CACNA1S: variants seen among roughly 807,000 people sequenced by gnomAD.
CACNA1S encodes calcium voltage-gated channel subunit alpha1 S.
In CACNA1S, 126 loss-of-function variants were observed where a neutral mutation model predicts 207.4. That is an observed-to-expected ratio of 0.61 (90% CI 0.53 to 0.70). CACNA1S has a LOEUF of 0.70. Ranked by LOEUF, CACNA1S falls within the 30% of genes least tolerant of loss-of-function variation. CACNA1S has a pLI of 0.00. For synonymous variants in CACNA1S, 960 were observed against 932.7 expected, an observed-to-expected ratio of 1.03 and a Z score of -0.53; for missense variants, 2,349 against 2,422.8, an observed-to-expected ratio of 0.97 and a Z score of 0.64.
At chr1:201,075,759 C>T (rs1572048398) in intron 12 of CACNA1S, 144 bp from the exon 13 acceptor site, 1 of 860,070 alleles carries the variant, frequency 1.2e-6, no homozygotes, top group South Asian at 1.6e-5. Flanking sequence ...GGTGGCCAGC[C>T]CCTGCTATCC....
chr1:201,055,160 A>T (rs976439695), intron 28 of CACNA1S, among the ~76,000 whole-genome samples: 2 of 151,786 alleles, frequency 1.3e-5, no homozygotes, highest in African/African-American at 4.8e-5. Context: ...CTTCCTGTTT[A>T]CTCCCTTGGG....
At chr1:201,047,030 C>T (rs1660493012) in intron 38 of CACNA1S, 85 bp downstream of exon 38, 4 of 1,552,516 alleles carry the variant, frequency 2.6e-6, no homozygotes, top group Non-Finnish European at 3.6e-6. Flanking sequence ...CATCATTGGC[C>T]CCTCAAGGAC....
chr1:201,094,100 G>T (rs1572064365), intron 2 of CACNA1S, 79 bp from the exon 3 acceptor site: 1 of 1,587,072 alleles, frequency 6.3e-7, no homozygotes, highest in Non-Finnish European at 8.6e-7. Context: ...AGCCGTGCTG[G>T]GTTCCCTGCT....
At position 201,040,617 on chromosome 1, in the gene CACNA1S, G is replaced by A; in HGVS notation, c.5226+5C>T. The A allele has an allele frequency of 1.2e-6, 2 of 1,612,430 alleles. No homozygotes were observed. Among genetic ancestry groups the A allele is most frequent in the South Asian group, 2.2e-5 (2 of 91,020 alleles). On this transcript the variant is annotated splice_donor_5th_base_variant and intron_variant, in intron 42 of 43. Transcript: ENST00000362061. ...AGTTTGCTCCCAGGCCTCTGCCACTGTTACCTGGCAGGGGGCAGGAGGTGC... is the reference window on the plus strand; with the variant it reads ...AGTTTGCTCCCAGGCCTCTGCCACTATTACCTGGCAGGGGGCAGGAGGTGC...
rs114191689 is a variant in CACNA1S at position 201,066,634 on chromosome 1, C to A, written c.2657+253G>T. ...GCAGGGGCTGTGCTCCCCACAGGGT[C>A]GGGGAGGGAGGGACCACTTCCTCCT... On this transcript the variant is annotated intron_variant, in intron 20 of 43. Coordinates refer to ENST00000362061, the MANE Select transcript of CACNA1S (RefSeq NM_000069.3). This position sits in a 1 kb window ranked among gnomAD's most constrained non-coding sequence, Gnocchi z 4.3. 6.6e-6 allele frequency among the ~76,000 whole-genome samples: 1 copy of A among 152,160 alleles called. No individual in the cohort carries two copies. Among genetic ancestry groups the A allele is most frequent in the Non-Finnish European group, 1.5e-5 (1 of 67,996 alleles).
intron 19 of CACNA1S, among the ~76,000 whole-genome samples, chr1:201,067,891 C>T (rs1428875708): frequency 6.6e-6 from 1 of 152,198 alleles, no homozygotes; most frequent in Non-Finnish European, 1.5e-5. Flanking sequence ...CACACCACAG[C>T]CTGCTCTGAG....
chr1:201,051,824 T>A (rs977637357), intron 32 of CACNA1S, among the ~76,000 whole-genome samples: 3 of 152,140 alleles, frequency 2.0e-5, no homozygotes, highest in Non-Finnish European at 4.4e-5. Context: ...CAGTGCAGGG[T>A]GGCCTCGGGT....
At chr1:201,090,132 A>G (rs1243732786) in intron 5 of CACNA1S, among the ~76,000 whole-genome samples, 1 of 152,154 alleles carries the variant, frequency 6.6e-6, no homozygotes, top group Admixed American at 6.5e-5. Context: ...CCTTACCCAT[A>G]TTTATCTATT....
chr1:201,057,606 G>A (rs894955649), intron 28 of CACNA1S, among the ~76,000 whole-genome samples: 2 of 152,066 alleles, frequency 1.3e-5, no homozygotes, highest in Non-Finnish European at 2.9e-5. Context: ...CTTCTAACTG[G>A]GTCTCTTAAT....
Position 201,074,610 on chromosome 1 carries a change from G to T in CACNA1S, c.1959C>A (p.Leu653=). The T allele has an allele frequency of 6.2e-7, 1 of 1,609,360 alleles. No homozygotes were observed. Among genetic ancestry groups the T allele is most frequent in the Non-Finnish European group, 8.5e-7 (1 of 1,175,912 alleles). The change falls in exon 14 of 44, where the codon CTC becomes CTA. Residue 653 remains leucine (L), a synonymous_variant. Transcript: ENST00000362061. ...ILFVCGNYIL[L]NVFLAIAVDN... ...CCACGGCAATGGCCAGGAAGACATTGAGCAGGATGTCTGAGCGGGTTTAGC... is the reference window on the plus strand; with the variant it reads ...CCACGGCAATGGCCAGGAAGACATTTAGCAGGATGTCTGAGCGGGTTTAGC...
Position 201,066,100 on chromosome 1 carries a change from C to G in CACNA1S, c.2745+129G>C. Reference sequence around the variant, plus strand: ...GAAGCATAGCTACCCCAGCCTCATCCTTACCCCTATCTGCCCAGGGAGATG... The same window carrying G: ...GAAGCATAGCTACCCCAGCCTCATCGTTACCCCTATCTGCCCAGGGAGATG... On this transcript the variant is annotated intron_variant, in intron 21 of 43. Coordinates refer to ENST00000362061, the MANE Select transcript of CACNA1S (RefSeq NM_000069.3). This position sits in a 1 kb window ranked among gnomAD's most constrained non-coding sequence, Gnocchi z 4.3. The G allele has an allele frequency of 2.0e-6, 2 of 1,005,926 alleles. No homozygotes were observed. The highest frequency in any genetic ancestry group is 2.7e-5 in the South Asian group (2 of 75,456). The allele number at this position is 1,005,926 out of a possible 1,614,324, so 62.3% of individuals were successfully genotyped here. A position where few individuals can be genotyped will look rare whatever the true frequency, so the allele number is the denominator to read the frequency against.
chr1:201,068,804 G>A (rs1368086244), intron 19 of CACNA1S, among the ~76,000 whole-genome samples: 2 of 152,120 alleles, frequency 1.3e-5, no homozygotes, highest in African/African-American at 4.8e-5. Flanking sequence ...CCTGGGAGGT[G>A]GAGGTTGCAG....
chr1:201,093,832 C>G (rs748077492), intron 3 of CACNA1S, 50 bp downstream of exon 3: 1 of 1,609,322 alleles, frequency 6.2e-7, no homozygotes, highest in Admixed American at 1.7e-5. Flanking sequence ...AGTGGGCACA[C>G]AGTCCTCAGC....
Position 201,086,239 on chromosome 1 carries a change from G to A in CACNA1S, c.1005-658C>T, listed in dbSNP as rs1443907477. On this transcript the variant is annotated intron_variant, in intron 7 of 43. Transcript: ENST00000362061. ...TTGCCCTGGTCAGGTGGGGTCCAGG[G>A]AGGGGCTCTTGACCAGTTTGTGCCA... is the stretch of plus-strand genomic sequence containing the variant. 5.3e-5 allele frequency among the ~76,000 whole-genome samples: 8 copies of A among 152,360 alleles called. No homozygotes were observed. In the South Asian group the frequency reaches 1.7e-3, roughly 32 times the overall value.
chr1:201,047,434 G>T, intron 37 of CACNA1S, 91 bp downstream of exon 37: 1 of 1,295,440 alleles, frequency 7.7e-7, no homozygotes, highest in Non-Finnish European at 1.1e-6. Flanking sequence ...GATCTGGTCC[G>T]TTCTCAGATT....
intron 22 of CACNA1S, among the ~76,000 whole-genome samples, 193 bp downstream of exon 22, chr1:201,065,645 G>T (rs770690870): frequency 1.3e-5 from 2 of 152,180 alleles, no homozygotes; most frequent in South Asian, 4.1e-4. Context: ...TAAATGTAAC[G>T]ATGTCTTACT....
In CACNA1S at chr1:201,043,446, A is replaced by G. The variant is rs576536458; in HGVS notation, c.4883T>C (p.Leu1628Pro). 152 of 1,614,062 alleles carry G rather than the reference A, an allele frequency of 9.4e-5. 2 individuals are homozygous for G. The South Asian group carries it at 1.6e-3, about 17-fold the overall frequency. ...TTCCATCTCTATCTCAGCAAACTGGAGGGGTCTCTGATTGGCCATGACGGG... is the reference window on the plus strand; with the variant it reads ...TTCCATCTCTATCTCAGCAAACTGGGGGGGTCTCTGATTGGCCATGACGGG... ...LPPVMANQRPLQFAEIEMEEM... is the reference protein window; with the variant it reads ...LPPVMANQRPPQFAEIEMEEM... The change falls in exon 40 of 44, where the codon CTC (leucine) becomes CCC (proline). Residue 1628 changes from leucine to proline, a missense_variant. Physicochemically the swap from Leu to Pro is moderately conservative, Grantham distance 98 (BLOSUM62 -3). Transcript: ENST00000362061.
rs767806564 is a variant in CACNA1S at position 201,089,333 on chromosome 1, G to A, written c.825C>T (p.Phe275=). 9 of 1,614,284 alleles carry A rather than the reference G, an allele frequency of 5.6e-6. No homozygotes were observed. The highest frequency in any genetic ancestry group is 3.3e-4 in the Middle Eastern group (2 of 6,062). Residue 275 remains phenylalanine, a synonymous_variant, in exon 6 of 44, where the codon TTC becomes TTT. Coordinates refer to ENST00000362061, the MANE Select transcript of CACNA1S (RefSeq NM_000069.3). Reference sequence around the variant, plus strand: ...TGAGCATGGAGAAGCCGAAGTTGTCGAAGTGGGTGATGCCATGGTTGGGCC... The same window carrying A: ...TGAGCATGGAGAAGCCGAAGTTGTCAAAGTGGGTGATGCCATGGTTGGGCC... ...WPGPNHGITH[F]DNFGFSMLTV...
intron 13 of CACNA1S, among the ~76,000 whole-genome samples, chr1:201,074,900 A>C (rs1049700639): frequency 1.3e-5 from 2 of 152,206 alleles, no homozygotes; most frequent in African/African-American, 4.8e-5. Flanking sequence ...CAGTGAGGCA[A>C]AACAAGTGAG....
Sources: allele counts gnomAD v4.1 joint callset (sites outside exome capture counted in the v4.1 genomes callset), GRCh38; gene constraint gnomAD v4.1.1; non-coding constraint Gnocchi (gnomAD v3.1); transcripts MANE v1.5; gene names NCBI Gene and HGNC (gene_info 2026-07-23, HGNC 2026-07-21).